FRMD4A: variants seen among roughly 807,000 people sequenced by gnomAD.
FRMD4A encodes FERM domain containing 4A.
FRMD4A carries 29 observed loss-of-function variants against 129.1 expected under a neutral mutation model. The observed-to-expected ratio is 0.22, with a 90% CI of 0.17 to 0.31. The LOEUF (loss-of-function observed/expected upper bound fraction) is 0.31. FRMD4A is among the 10% of genes least tolerant of loss of function. The pLI, the probability that FRMD4A is intolerant of heterozygous loss-of-function variation, is 1.00. For synonymous variants in FRMD4A, 634 were observed against 571.6 expected (o/e 1.11, Z -1.56); for missense variants, 1,272 against 1,375.8 (o/e 0.92, Z 1.19).
intron 2 of FRMD4A, among the ~76,000 whole-genome samples, chr10:14,057,657 G>A (rs1395213313): frequency 2.0e-5 from 3 of 151,412 alleles, no homozygotes; most frequent in Non-Finnish European, 2.9e-5. Context: ...CACAACCTCC[G>A]CCTCCTGGGT....
Position 14,050,916 on chromosome 10 carries a change from C to T in FRMD4A, c.46-192004G>A, listed in dbSNP as rs140937639. Among the ~76,000 whole-genome samples, 6 of 152,294 alleles carry T rather than the reference C, an allele frequency of 3.9e-5. No individual in the cohort carries two copies. In the South Asian group the frequency reaches 6.2e-4, roughly 16 times the overall value. The stretch of plus-strand genomic sequence containing the variant: ...CATAAGCAAAGCCTTTCCCTGAGTT[C>T]TGCAAGTCATTCTAGCAAATGACTG... On this transcript the variant is annotated intron_variant, in intron 2 of 24. Coordinates refer to ENST00000357447, the MANE Select transcript of FRMD4A (RefSeq NM_018027.5).
At chr10:13,805,602 A>G (rs1588829210) in intron 4 of FRMD4A, among the ~76,000 whole-genome samples, 1 of 152,302 alleles carries the variant, frequency 6.6e-6, no homozygotes, top group East Asian at 1.9e-4. Flanking sequence ...GAATAGCTTA[A>G]AAGTTGGTTA....
At chr10:13,770,893 T>G (rs977929674) in intron 6 of FRMD4A, among the ~76,000 whole-genome samples, 2 of 152,146 alleles carry the variant, frequency 1.3e-5, no homozygotes, top group African/African-American at 4.8e-5. Flanking sequence ...CTGCAGATAT[T>G]TATGTTGTCC....
chr10:14,052,311 A>G (rs1249310490), intron 2 of FRMD4A, among the ~76,000 whole-genome samples: 10 of 152,230 alleles, frequency 6.6e-5, no homozygotes, highest in Non-Finnish European at 2.9e-5. Context: ...GGCAGCCACA[A>G]GAAGCTCATA....
At chr10:14,068,888 C>G (rs974146254) in intron 2 of FRMD4A, among the ~76,000 whole-genome samples, 4 of 149,450 alleles carry the variant, frequency 2.7e-5, no homozygotes, top group Non-Finnish European at 3.0e-5. Flanking sequence ...CTCCCTCCCT[C>G]TCCCTCTCTT....
intron 2 of FRMD4A, among the ~76,000 whole-genome samples, chr10:14,063,228 T>C (rs150274225): frequency 6.6e-6 from 1 of 151,954 alleles, no homozygotes. Context: ...CAGCTCAGAC[T>C]CCCAGAAGTT....
chr10:14,105,055 G>C (rs187082739), intron 2 of FRMD4A, among the ~76,000 whole-genome samples: 3 of 152,156 alleles, frequency 2.0e-5, no homozygotes, highest in Non-Finnish European at 4.4e-5. Flanking sequence ...ATCCTTACGC[G>C]TGGAGTCTCT....
intron 2 of FRMD4A, among the ~76,000 whole-genome samples, chr10:14,067,133 T>C (rs1835097247): frequency 6.6e-6 from 1 of 151,802 alleles, no homozygotes; most frequent in African/African-American, 2.4e-5. Context: ...CTGGCCAACA[T>C]GGTGAAACCC....
At chr10:14,047,144 T>G (rs769076921) in intron 2 of FRMD4A, among the ~76,000 whole-genome samples, 6 of 152,180 alleles carry the variant, frequency 3.9e-5, no homozygotes, top group Non-Finnish European at 8.8e-5. Flanking sequence ...ATAGATTCAT[T>G]GAGTAAAGAA....
intron 17 of FRMD4A, 66 bp downstream of exon 17, chr10:13,670,340 A>G: frequency 6.5e-7 from 1 of 1,532,370 alleles, no homozygotes; most frequent in Non-Finnish European, 9.0e-7. Flanking sequence ...AAAACCTGGA[A>G]GGCCTGACCA....
intron 2 of FRMD4A, among the ~76,000 whole-genome samples, chr10:14,231,974 T>G (rs1423613555): frequency 6.6e-6 from 1 of 152,330 alleles, no homozygotes; most frequent in East Asian, 1.9e-4. Flanking sequence ...TGGTAATTGC[T>G]TTTAGAGTCT....
intron 2 of FRMD4A, among the ~76,000 whole-genome samples, chr10:14,165,746 T>A (rs1327365446): frequency 6.6e-6 from 1 of 152,116 alleles, no homozygotes; most frequent in Non-Finnish European, 1.5e-5. Context: ...AGCAAATTAA[T>A]GCAGAAAGAG....
In FRMD4A at chr10:13,658,881, CAAAAAAAAAAA is replaced by C. The variant is rs60536121; in HGVS notation, c.2066+431_2066+441del. 4.0e-5 allele frequency among the ~76,000 whole-genome samples: 3 copies of C among 75,196 alleles called. No homozygotes were observed. The East Asian group carries it at 1.3e-3, about 33-fold the overall frequency. The allele number at this position is 75,196 out of a possible 152,430, so 49.3% of individuals were successfully genotyped here. ...TGGGTGACAGAGCAAGACTCCATCT[CAAAAAAAAAAA>C]AAAAAAAAGAAACAGAAGGTGTGAT... On this transcript the variant is annotated intron_variant, in intron 21 of 24. Coordinates refer to ENST00000357447, the MANE Select transcript of FRMD4A (RefSeq NM_018027.5).
chr10:14,057,376 G>A (rs1205263360), intron 2 of FRMD4A, among the ~76,000 whole-genome samples: 1 of 152,158 alleles, frequency 6.6e-6, no homozygotes, highest in African/African-American at 2.4e-5. Flanking sequence ...TTACCCTAGA[G>A]CTGGGGTTAT....
chr10:13,705,409 T>G (rs2087326390), intron 13 of FRMD4A, among the ~76,000 whole-genome samples: 1 of 152,066 alleles, frequency 6.6e-6, no homozygotes, highest in Non-Finnish European at 1.5e-5. Flanking sequence ...GGTGCCTGGG[T>G]GTTCACTGAA....
At chr10:14,124,362 TA>T (rs1289802443) in intron 2 of FRMD4A, among the ~76,000 whole-genome samples, 1 of 152,152 alleles carries the variant, frequency 6.6e-6, no homozygotes, top group Admixed American at 6.6e-5. Context: ...ATTTCACAGA[TA>T]AGCAAACTGA....
intron 5 of FRMD4A, among the ~76,000 whole-genome samples, chr10:13,795,738 T>C (rs1242679321): frequency 6.6e-6 from 1 of 152,208 alleles, no homozygotes; most frequent in African/African-American, 2.4e-5. Flanking sequence ...GTTTCGGAGC[T>C]GCTGGACTGG....
At chr10:13,978,204 T>C (rs2095548656) in intron 2 of FRMD4A, among the ~76,000 whole-genome samples, 1 of 152,212 alleles carries the variant, frequency 6.6e-6, no homozygotes, top group South Asian at 2.1e-4. Flanking sequence ...TTCTTGGTTT[T>C]CTAGCTGGAT....
chr10:14,190,683 T>A (rs1842289615), intron 2 of FRMD4A, among the ~76,000 whole-genome samples: 1 of 152,180 alleles, frequency 6.6e-6, no homozygotes, highest in Non-Finnish European at 1.5e-5. Context: ...CCGGCATCTG[T>A]CAACACTGGA....
Sources: gnomAD v4.1 joint callset for allele counts (sites outside exome capture counted in the v4.1 genomes callset) on GRCh38, gnomAD v4.1.1 for gene constraint, MANE v1.5 for transcripts, NCBI Gene and HGNC (gene_info 2026-07-23, HGNC 2026-07-21) for gene names.